The following VWA8 variants were observed in gnomAD, a reference collection of about 807,000 sequenced individuals.
VWA8 encodes the protein von Willebrand factor A domain containing 8.
Under a neutral mutation model 241.5 loss-of-function variants are expected in VWA8, and 221 were observed. The ratio of observed to expected loss-of-function variants is 0.91; its 90% CI spans 0.82 to 1.02. The LOEUF (loss-of-function observed/expected upper bound fraction) is 1.02, where lower values mean the gene tolerates loss of function less well. VWA8 is among the 50% of genes least tolerant of loss of function. VWA8 has a pLI of 0.00. For synonymous variants in VWA8, 852 were observed against 827.1 expected (o/e 1.03, Z -0.52); for missense variants, 2,322 against 2,328.7 (o/e 1.00, Z 0.06).
At chr13:41,595,734 G>C (rs2044483777) in intron 40 of VWA8, among the ~76,000 whole-genome samples, 1 of 152,026 alleles carries the variant, frequency 6.6e-6, no homozygotes, top group Admixed American at 6.6e-5. Context: ...GTATGACTTT[G>C]TCACAATTTA....
chr13:41,782,414 T>C (rs1320260688), intron 19 of VWA8, among the ~76,000 whole-genome samples: 2 of 152,240 alleles, frequency 1.3e-5, no homozygotes, highest in African/African-American at 4.8e-5. Flanking sequence ...TAGAGTGTAA[T>C]ACTATCAGTG....
chr13:41,768,444 T>A (rs1176051272), intron 20 of VWA8, among the ~76,000 whole-genome samples: 1 of 152,192 alleles, frequency 6.6e-6, no homozygotes, highest in Non-Finnish European at 1.5e-5. Flanking sequence ...ATAGAATCTC[T>A]AATCACATTA....
chr13:41,906,240 A>T (rs1277396744), intron 4 of VWA8, among the ~76,000 whole-genome samples: 1 of 152,116 alleles, frequency 6.6e-6, no homozygotes, highest in African/African-American at 2.4e-5. Flanking sequence ...CAGTCTTTTA[A>T]TTATAACGTA....
At chr13:41,661,284 A>C (rs894700258) in intron 37 of VWA8, among the ~76,000 whole-genome samples, 7 of 152,210 alleles carry the variant, frequency 4.6e-5, no homozygotes, top group African/African-American at 9.7e-5. Context: ...AACCAACATA[A>C]TTTGATGGAG....
chr13:41,923,204 A>G (rs748468221), intron 2 of VWA8, among the ~76,000 whole-genome samples: 2 of 152,100 alleles, frequency 1.3e-5, no homozygotes, highest in Non-Finnish European at 2.9e-5. Flanking sequence ...CAAACACCGC[A>G]TGTTCTCACT....
Position 41,778,041 on chromosome 13 carries a change from C to G in VWA8, c.2293G>C (p.Glu765Gln). 1 of 1,611,706 alleles carries G rather than the reference C, an allele frequency of 6.2e-7. No individual in the cohort carries two copies. Among genetic ancestry groups the G allele is most frequent in the Non-Finnish European group, 8.5e-7 (1 of 1,179,160 alleles). ...YDNIQHVIVM[E>Q]DMLKDFLLGE... ...AGGAGAAAGTCTTTCAGCATATCTT[C>G]CATCACTATCACATGCTAGAGAAAA... The change falls in exon 20 of 45, where the codon GAA becomes CAA. Residue 765 changes from glutamate to glutamine, a missense_variant. Transcript: ENST00000379310.
chr13:41,719,722 G>C lies in VWA8; in HGVS notation c.2985C>G (p.Leu995=), dbSNP rs1163327960. ...CAAACACATTTCGAACTACACTGGA[G>C]AGACCTTCAGTCGGAAATTTCTGTA... is the stretch of plus-strand genomic sequence containing the variant. The part of the protein sequence containing the change: ...KHLQKFPTEG[L]SSVVRNVFDF... Residue 995 remains leucine, a synonymous_variant, in exon 26 of 45, where the codon CTC becomes CTG. Coordinates refer to ENST00000379310, the MANE Select transcript of VWA8 (RefSeq NM_015058.2). 1 of 1,608,688 alleles carries C rather than the reference G, an allele frequency of 6.2e-7. No homozygotes were observed. The highest frequency in any genetic ancestry group is 1.3e-5 in the African/African-American group (1 of 74,764).
chr13:41,955,732 T>C (rs1399132805), intron 1 of VWA8: 1 of 152,210 alleles, frequency 6.6e-6, no homozygotes, highest in Non-Finnish European at 1.5e-5. Flanking sequence ...AGTCCTTATG[T>C]AATGAATTGC....
intron 17 of VWA8, among the ~76,000 whole-genome samples, chr13:41,798,801 T>C (rs889271123): frequency 1.3e-5 from 2 of 152,200 alleles, no homozygotes; most frequent in Non-Finnish European, 2.9e-5. Flanking sequence ...TTATTCTACA[T>C]GTCTATTAAC....
intron 4 of VWA8, among the ~76,000 whole-genome samples, chr13:41,898,920 C>G (rs1181147585): frequency 6.6e-6 from 1 of 152,156 alleles, no homozygotes; most frequent in African/African-American, 2.4e-5. Flanking sequence ...CAAGCTGGCC[C>G]GCAAGCGCCG....
intron 12 of VWA8, among the ~76,000 whole-genome samples, chr13:41,848,598 G>A (rs1358047316): frequency 3.9e-5 from 6 of 152,104 alleles, no homozygotes; most frequent in African/African-American, 1.4e-4. Context: ...ACTCCCTCCT[G>A]CCACCTAGTG....
intron 2 of VWA8, among the ~76,000 whole-genome samples, chr13:41,934,849 T>C (rs914429606): frequency 2.6e-5 from 4 of 152,070 alleles, no homozygotes; most frequent in Admixed American, 1.3e-4. Flanking sequence ...GTTATATACA[T>C]ATGTAAAAAC....
At chr13:41,871,590 A>G (rs1873620666) in intron 9 of VWA8, among the ~76,000 whole-genome samples, 1 of 152,062 alleles carries the variant, frequency 6.6e-6, no homozygotes, top group Admixed American at 6.5e-5. Flanking sequence ...TTTACTGAGA[A>G]TGATGATTTC....
At chr13:41,665,723 A>C (rs2044981654) in intron 37 of VWA8, among the ~76,000 whole-genome samples, 1 of 152,008 alleles carries the variant, frequency 6.6e-6, no homozygotes, top group Admixed American at 6.6e-5. Flanking sequence ...TTTTCTTTAT[A>C]CTTTAATATT....
intron 21 of VWA8, among the ~76,000 whole-genome samples, chr13:41,757,740 T>G (rs2045704650): frequency 6.6e-6 from 1 of 151,634 alleles, no homozygotes; most frequent in Non-Finnish European, 1.5e-5. Flanking sequence ...TTTTCTGAAA[T>G]ATGTGGTTGA....
chr13:41,687,009 C>T (rs1219710993), intron 34 of VWA8, among the ~76,000 whole-genome samples: 2 of 152,188 alleles, frequency 1.3e-5, no homozygotes, highest in Non-Finnish European at 2.9e-5. Flanking sequence ...ATAACTCACA[C>T]TGGCCTACTA....
At chr13:41,616,516 A>G (rs1366534244) in intron 37 of VWA8, among the ~76,000 whole-genome samples, 1 of 152,200 alleles carries the variant, frequency 6.6e-6, no homozygotes, top group African/African-American at 2.4e-5. Context: ...AACATTTAAA[A>G]TACTTTCCCA....
At chr13:41,911,148 C>T (rs1875977550) in intron 3 of VWA8, among the ~76,000 whole-genome samples, 1 of 151,156 alleles carries the variant, frequency 6.6e-6, no homozygotes, top group Admixed American at 6.6e-5. Context: ...ACTGCAACTT[C>T]CACCTCCCAA....
Position 41,575,775 on chromosome 13 carries a change from G to A in VWA8, c.5335C>T (p.Pro1779Ser), listed in dbSNP as rs752894411. 1 of 1,613,216 alleles carries A rather than the reference G, an allele frequency of 6.2e-7. No homozygotes were observed. The highest frequency in any genetic ancestry group is 1.1e-5 in the South Asian group (1 of 91,006). The change falls in exon 43 of 45, where the codon CCC becomes TCC. Residue 1779 changes from proline (P) to serine (S), a missense_variant. Transcript: ENST00000379310. ...NIGLVPMNKI[P>S]KDNKQRLEIL... ...TCTAGTCTTTGCTTATTGTCCTTGG[G>A]GATTTTGTTCATTGGAACCAGACCA...
Sources: gnomAD v4.1 joint callset for allele counts (sites outside exome capture counted in the v4.1 genomes callset) on GRCh38, gnomAD v4.1.1 for gene constraint, MANE v1.5 for transcripts, NCBI Gene and HGNC (gene_info 2026-07-23, HGNC 2026-07-21) for gene names.